The following ACOT12 variants were observed in gnomAD, a reference collection of about 807,000 sequenced individuals.
ACOT12 encodes the protein acyl-CoA thioesterase 12, also known as acetyl-coenzyme A thioesterase.
A neutral mutation model predicts 67.7 loss-of-function variants in ACOT12; 51 were observed. The ratio of observed to expected loss-of-function variants is 0.75; its 90% CI spans 0.60 to 0.95. ACOT12 has a LOEUF of 0.95. Ranked by LOEUF, ACOT12 falls within the 40% of genes least tolerant of loss-of-function variation. The pLI, the probability that ACOT12 is intolerant of heterozygous loss-of-function variation, is 0.00. For missense variants in ACOT12, 734 were observed against 708.1 expected (o/e 1.04, Z -0.41); for synonymous variants, 251 against 244.6 (o/e 1.03, Z -0.24).
intron 14 of ACOT12, 64 bp downstream of exon 14, chr5:81,330,750 A>T (rs1758790951): frequency 6.3e-7 from 1 of 1,585,326 alleles, no homozygotes; most frequent in Admixed American, 1.8e-5. Context: ...ACATCTGGGT[A>T]AATTAAGAGA....
rs143346238 is a variant in ACOT12 at position 81,342,286 on chromosome 5, C to T, written c.1128+386G>A. ...GATTACAGACGTGAGCCAGCACACTCGACCAAAAAAATTAATTTTAAAGAA... is the reference window on the plus strand; with the variant it reads ...GATTACAGACGTGAGCCAGCACACTTGACCAAAAAAATTAATTTTAAAGAA... On this transcript the variant is annotated intron_variant, in intron 11 of 14. Transcript: ENST00000307624. Among the ~76,000 whole-genome samples the T allele has an allele frequency of 2.4e-4, 36 of 152,112 alleles. No homozygotes were observed. The East Asian group carries it at 6.0e-3, about 25-fold the overall frequency.
At chr5:81,358,657 C>A (rs1759800369) in intron 5 of ACOT12, among the ~76,000 whole-genome samples, 1 of 152,164 alleles carries the variant, frequency 6.6e-6, no homozygotes, top group Admixed American at 6.5e-5. Context: ...CGAGACCAGC[C>A]TGGCCAACAT....
the ACOT12 span, chr5:81,312,583 G>C: frequency 1.2e-6 from 2 of 1,613,938 alleles, no homozygotes; most frequent in Non-Finnish European, 1.7e-6. Context: ...AAGGGAATGA[G>C]TGCAGACTAT....
intron 2 of ACOT12, among the ~76,000 whole-genome samples, chr5:81,385,247 G>A (rs4703836): frequency 0.4 from 60,368 of 151,840 alleles, 12,366 homozygotes; most frequent in Middle Eastern, 0.47. Flanking sequence ...AGGAGTTCGA[G>A]ATCAGCCTGG....
downstream of ACOT12, among the ~76,000 whole-genome samples, chr5:81,326,117 C>CTTTTTTTT (rs1199895738): frequency 2.7e-4 from 21 of 77,042 alleles, no homozygotes; most frequent in Admixed American, 6.0e-4. Context: ...CCCTGAGATT[C>CTTTTTTTT]TTTTTTTTTT....
the ACOT12 span, chr5:81,312,780 T>G: frequency 1.4e-6 from 1 of 705,610 alleles, no homozygotes; most frequent in Non-Finnish European, 2.4e-6. Flanking sequence ...ATCAGTATGA[T>G]CTGGGTGTGG....
chr5:81,389,851 A>G (rs1019958119), intron 1 of ACOT12, among the ~76,000 whole-genome samples: 2 of 151,184 alleles, frequency 1.3e-5, no homozygotes, highest in Non-Finnish European at 2.9e-5. Flanking sequence ...TTGATGTTCT[A>G]TGACCTTGAA....
chr5:81,358,387 C>T (rs1481413339), intron 5 of ACOT12, among the ~76,000 whole-genome samples: 3 of 152,172 alleles, frequency 2.0e-5, no homozygotes, highest in Admixed American at 6.5e-5. Flanking sequence ...GTTGTCTCAC[C>T]TGCCTCAGGG....
chr5:81,312,484 C>CT, the ACOT12 span: 19 of 1,316,032 alleles, frequency 1.4e-5, no homozygotes, highest in Non-Finnish European at 1.9e-5. Flanking sequence ...CAATAACAAT[C>CT]TGAGTGGATG....
At chr5:81,332,715 G>C in intron 12 of ACOT12, 110 bp from the exon 13 acceptor site, 1 of 1,305,476 alleles carries the variant, frequency 7.7e-7, no homozygotes, top group Admixed American at 1.9e-5. Context: ...TGCCCCTTCA[G>C]CTCACCTAAT....
At chr5:81,365,000 A>G (rs1760032345) in intron 3 of ACOT12, among the ~76,000 whole-genome samples, 1 of 152,148 alleles carries the variant, frequency 6.6e-6, no homozygotes, top group Non-Finnish European at 1.5e-5. Context: ...TTTCAGGAGT[A>G]ATAAGAAGGT....
intron 2 of ACOT12, among the ~76,000 whole-genome samples, chr5:81,376,509 T>C (rs933395258): frequency 2.7e-5 from 4 of 150,850 alleles, no homozygotes; most frequent in Admixed American, 6.6e-5. Context: ...CTGAAGGAGA[T>C]AGAGACATGA....
At chr5:81,367,621 C>G (rs1159802102) in intron 3 of ACOT12, among the ~76,000 whole-genome samples, 1 of 151,964 alleles carries the variant, frequency 6.6e-6, no homozygotes, top group Non-Finnish European at 1.5e-5. Context: ...AAAAATTACT[C>G]TGCTCTAAAA....
chr5:81,320,132 A>G, the ACOT12 span, among the ~76,000 whole-genome samples: 12 of 152,270 alleles, frequency 7.9e-5, no homozygotes, highest in African/African-American at 1.9e-4. Flanking sequence ...GAATAAATTT[A>G]TTTTTCAATC....
chr5:81,326,339 G>C (rs1447370828), downstream of ACOT12, among the ~76,000 whole-genome samples: 1 of 151,708 alleles, frequency 6.6e-6, no homozygotes, highest in African/African-American at 2.4e-5. Flanking sequence ...GGTCAGGCTG[G>C]TCTCAAGCTC....
Position 81,344,990 on chromosome 5 carries a change from C to G in ACOT12, c.825G>C (p.Glu275Asp). 6.2e-7 allele frequency: 1 copy of G among 1,614,214 alleles called. No homozygotes were observed. The highest frequency in any genetic ancestry group is 8.5e-7 in the Non-Finnish European group (1 of 1,180,036). The change falls in exon 8 of 15, where the codon GAG (glutamate) becomes GAC (aspartate). Residue 275 changes from glutamate to aspartate, a missense_variant. Glu to Asp is a conservative substitution (Grantham distance 45). Coordinates refer to ENST00000307624, the MANE Select transcript of ACOT12 (RefSeq NM_130767.3). ...VEAFDCQEWAEGRGRHINSAF... is the reference protein window; with the variant it reads ...VEAFDCQEWADGRGRHINSAF... ...CACTGTTGATGTGACGCCCTCGGCCCTCGGCCCATTCCTGACAGTCAAAGG... is the reference window on the plus strand; with the variant it reads ...CACTGTTGATGTGACGCCCTCGGCCGTCGGCCCATTCCTGACAGTCAAAGG...
intron 11 of ACOT12, among the ~76,000 whole-genome samples, chr5:81,340,354 G>GTTGTT (rs917727218): frequency 5.3e-5 from 8 of 150,200 alleles, no homozygotes; most frequent in Admixed American, 1.3e-4. Flanking sequence ...ATGATTGTTT[G>GTTGTT]TTGTTTTGTT....
At chr5:81,328,255 C>T (rs560030700), downstream of ACOT12, among the ~76,000 whole-genome samples, 1 of 152,176 alleles carries the variant, frequency 6.6e-6, no homozygotes, top group Non-Finnish European at 1.5e-5. Flanking sequence ...CCACCCCCAA[C>T]CCTTCCCCAG....
chr5:81,347,794 T>C lies in ACOT12; in HGVS notation c.633A>G (p.Thr211=), dbSNP rs755664702. ...FGGQIMAWME[T]VATISASRLC... is the part of the protein sequence containing the mutation. ...AGAACCTTGCAGAAATAGTAGCCAC[T>C]GTCTCCATCCACGCCATAATCTGGC... Residue 211 remains threonine (T), a synonymous_variant, in exon 6 of 15, where the codon ACA becomes ACG. Transcript: ENST00000307624. 2 of 1,614,050 alleles carry C rather than the reference T, an allele frequency of 1.2e-6. No homozygotes were observed. Among genetic ancestry groups the C allele is most frequent in the Non-Finnish European group, 1.7e-6 (2 of 1,179,996 alleles).
Sources: gnomAD v4.1 joint callset for allele counts (sites outside exome capture counted in the v4.1 genomes callset) on GRCh38, gnomAD v4.1.1 for gene constraint, MANE v1.5 for transcripts, NCBI Gene and HGNC (gene_info 2026-07-23, HGNC 2026-07-21) for gene names.